The following ULBP2 variants were observed in gnomAD, a reference collection of about 807,000 sequenced individuals.
ULBP2 encodes the protein UL16 binding protein 2.
ULBP2 carries 21 observed loss-of-function variants against 23.6 expected under a neutral mutation model. The ratio of observed to expected loss-of-function variants is 0.89; its 90% CI spans 0.63 to 1.28. The LOEUF is 1.28. ULBP2 is among the 50% of genes most tolerant of loss of function. The pLI is 0.00. For synonymous variants in ULBP2, 82 were observed against 112.8 expected (o/e 0.73, Z 1.73); for missense variants, 251 against 306.0 (o/e 0.82, Z 1.34).
Position 149,949,083 on chromosome 6 carries a change from A to C in ULBP2, c.*383A>C, listed in dbSNP as rs971934695. ...AAATGATATTGTCAGTAAAATAATC[A>C]CGTTAGACTTCAGACCTCTGGGGAT... On this transcript the variant is annotated 3_prime_UTR_variant, in exon 5 of 5. Coordinates refer to ENST00000367351, the MANE Select transcript of ULBP2 (RefSeq NM_025217.4). 2.8e-5 allele frequency: 5 copies of C among 176,482 alleles called. No individual in the cohort carries two copies. Among genetic ancestry groups the C allele is most frequent in the Admixed American group, 6.0e-5 (1 of 16,644 alleles). 10.9% of individuals were successfully genotyped at this position (176,482 alleles called of 1,614,324 possible). A position where few individuals can be genotyped will look rare whatever the true frequency, so the allele number is the denominator to read the frequency against.
rs184122457 is a variant in ULBP2, at chr6:149,946,655, T to C, written c.631+2T>C. On this transcript the variant is annotated splice_donor_variant, in intron 3 of 4. Coordinates refer to ENST00000367351, the MANE Select transcript of ULBP2 (RefSeq NM_025217.4). LOFTEE classifies it high-confidence loss of function. ...GCACCCTGGAGCCAAGTGCAGGAGG[T>C]AACAGGAGAAAAAGAAACGGGGATC... The C allele has an allele frequency of 2.2e-5, 36 of 1,612,546 alleles. No homozygotes were observed. In the East Asian group the frequency reaches 7.6e-4, roughly 34 times the overall value.
intron 3 of ULBP2, 98 bp downstream of exon 3, chr6:149,946,751 A>G (rs1778948797): frequency 2.6e-6 from 4 of 1,561,672 alleles, no homozygotes. Context: ...CCCAGTATAC[A>G]CATTCACGTT....
Position 149,942,131 on chromosome 6 carries a change from C to T in ULBP2, c.59C>T (p.Ser20Phe), listed in dbSNP as rs548525038. The T allele has an allele frequency of 4.3e-5, 69 of 1,611,042 alleles. No homozygotes were observed. The highest frequency in any genetic ancestry group is 1.2e-4 in the African/African-American group (9 of 75,012). Residue 20 changes from serine (S) to phenylalanine (F), a missense_variant, in exon 1 of 5, where the codon TCC becomes TTC. By Grantham distance (155) the Ser-to-Phe change is radical. This residue lies in a region of ULBP2 where 248 missense variants were observed against 258.9 expected (regional missense o/e 0.96). Coordinates refer to ENST00000367351, the MANE Select transcript of ULBP2 (RefSeq NM_025217.4). ...TGCCTCCCGCTTCTGCTCCTGCTGT[C>T]CGGCTGGTCCCGGGCTGGGCGAGCC... ...LLCLPLLLLL[S>F]GWSRAGRADP...
At chr6:149,945,229 C>T in intron 1 of ULBP2, 80 bp from the exon 2 acceptor site, 4 of 1,522,474 alleles carry the variant, frequency 2.6e-6, no homozygotes, top group Non-Finnish European at 3.6e-6. Flanking sequence ...CAGAGGCATC[C>T]TCTTATTGAC....
Position 149,948,113 on chromosome 6 carries a change from C to T in ULBP2, c.*23-610C>T, listed in dbSNP as rs115265940. Among the ~76,000 whole-genome samples the T allele has an allele frequency of 4.0e-3, 609 of 152,308 alleles. 3 individuals are homozygous for T. The highest frequency in any genetic ancestry group is 0.014 in the African/African-American group (585 of 41,566). Reference sequence around the variant, plus strand: ...TCTGGGCCCTGAGGCAGCTCCCCTGCCATCATCCTCCTGCACACCCCAGAT... The same window carrying T: ...TCTGGGCCCTGAGGCAGCTCCCCTGTCATCATCCTCCTGCACACCCCAGAT... On this transcript the variant is annotated intron_variant, in intron 4 of 4. Coordinates refer to ENST00000367351, the MANE Select transcript of ULBP2 (RefSeq NM_025217.4).
chr6:149,948,870 C>T lies in ULBP2; in HGVS notation c.*170C>T, dbSNP rs1312603517. On this transcript the variant is annotated 3_prime_UTR_variant, in exon 5 of 5. Transcript: ENST00000367351. ...CATGGACCCAATAGCTCATTCACTG[C>T]CTTGATTCCTTTTGCCAACAATTTT... is the stretch of plus-strand genomic sequence containing the variant. The T allele has an allele frequency of 2.5e-6, 1 of 403,076 alleles. No homozygotes were observed. The highest frequency in any genetic ancestry group is 5.0e-6 in the Non-Finnish European group (1 of 199,668). 25.0% of individuals were successfully genotyped at this position (403,076 alleles called of 1,614,324 possible). A position where few individuals can be genotyped will look rare whatever the true frequency, so the allele number is the denominator to read the frequency against.
rs150368147 is a variant in ULBP2 at position 149,943,552 on chromosome 6, G to T, written c.85+1395G>T. Among the ~76,000 whole-genome samples the T allele has an allele frequency of 4.0e-3, 606 of 152,268 alleles. 3 individuals are homozygous for T. The highest frequency in any genetic ancestry group is 0.014 in the African/African-American group (583 of 41,524). Reference sequence around the variant, plus strand: ...GGCCCTGCTCCTGCCCATCCCAGAAGAACCACCTGCGTCTTCTCACTGCTG... The same window carrying T: ...GGCCCTGCTCCTGCCCATCCCAGAATAACCACCTGCGTCTTCTCACTGCTG... On this transcript the variant is annotated intron_variant, in intron 1 of 4. Transcript: ENST00000367351.
intron 2 of ULBP2, among the ~76,000 whole-genome samples, chr6:149,945,916 G>A (rs1778931621): frequency 6.8e-6 from 1 of 146,524 alleles, no homozygotes; most frequent in African/African-American, 2.6e-5. Flanking sequence ...ACTCCAGCCT[G>A]GGCAACAGAG....
chr6:149,943,638 C>T (rs1778896603), intron 1 of ULBP2, among the ~76,000 whole-genome samples: 1 of 152,290 alleles, frequency 6.6e-6, no homozygotes, highest in South Asian at 2.1e-4. Context: ...AGCTCTGAGG[C>T]CTTCAGCAAT....
chr6:149,942,268 C>T (rs1427517673), intron 1 of ULBP2, 111 bp downstream of exon 1: 1 of 1,159,608 alleles, frequency 8.6e-7, no homozygotes, highest in African/African-American at 1.6e-5. Context: ...GAGATCTCCC[C>T]TAACTGCGCC....
In ULBP2 at chr6:149,947,691, A is replaced by G. The variant is rs372864370; in HGVS notation, c.*22+240A>G. ...TCCAGAGGGAAAGGGAGGGGCCCATACCAAGGCTCAGGGTCTGTTGAGCTT... is the reference window on the plus strand; with the variant it reads ...TCCAGAGGGAAAGGGAGGGGCCCATGCCAAGGCTCAGGGTCTGTTGAGCTT... On this transcript the variant is annotated intron_variant, in intron 4 of 4. Transcript: ENST00000367351. 9.2e-5 allele frequency among the ~76,000 whole-genome samples: 14 copies of G among 152,198 alleles called. No homozygotes were observed. In the East Asian group the frequency reaches 1.4e-3, roughly 15 times the overall value.
chr6:149,944,776 G>A (rs1236758339), intron 1 of ULBP2, among the ~76,000 whole-genome samples: 1 of 138,706 alleles, frequency 7.2e-6, no homozygotes, highest in Admixed American at 7.2e-5. Flanking sequence ...CAAGGTTTCA[G>A]GAAGGCCTCC....
intron 4 of ULBP2, 107 bp from the exon 5 acceptor site, chr6:149,948,616 C>T: frequency 4.4e-6 from 2 of 454,120 alleles, no homozygotes; most frequent in South Asian, 3.1e-5. Context: ...AAAATAGGTC[C>T]CTTAGTGCAG....
intron 1 of ULBP2, among the ~76,000 whole-genome samples, chr6:149,943,929 A>G (rs893531717): frequency 1.2e-4 from 18 of 151,966 alleles, no homozygotes; most frequent in African/African-American, 2.2e-4. Flanking sequence ...CTCATCATGC[A>G]TGGATTGTCT....
Position 149,948,891 on chromosome 6 carries a change from A to G in ULBP2, c.*191A>G, listed in dbSNP as rs529627121. 32 of 385,670 alleles carry G rather than the reference A, an allele frequency of 8.3e-5. No homozygotes were observed. Among genetic ancestry groups the G allele is most frequent in the African/African-American group, 6.1e-4 (29 of 47,704 alleles). 23.9% of individuals were successfully genotyped at this position (385,670 alleles called of 1,614,324 possible). ...ACTGCCTTGATTCCTTTTGCCAACA[A>G]TTTTACCAGCAGTTATACCTAACAT... On this transcript the variant is annotated 3_prime_UTR_variant, in exon 5 of 5. Coordinates refer to ENST00000367351, the MANE Select transcript of ULBP2 (RefSeq NM_025217.4).
At chr6:149,942,260 G>C in intron 1 of ULBP2, 103 bp downstream of exon 1, 3 of 1,266,728 alleles carry the variant, frequency 2.4e-6, no homozygotes, top group Non-Finnish European at 1.1e-6. Context: ...GGACGGGGGA[G>C]ATCTCCCCTA....
rs189790168 is a variant in ULBP2, at chr6:149,948,613, G to A, written c.*23-110G>A. On this transcript the variant is annotated intron_variant, in intron 4 of 4. Transcript: ENST00000367351. Reference sequence around the variant, plus strand: ...GGGTTGAGGCTCAAGGGAAAAATAGGTCCCTTAGTGCAGGGGGCTCTGAGA... The same window carrying A: ...GGGTTGAGGCTCAAGGGAAAAATAGATCCCTTAGTGCAGGGGGCTCTGAGA... The A allele has an allele frequency of 2.6e-3, 1,194 of 452,476 alleles. 10 individuals are homozygous for A. The highest frequency in any genetic ancestry group is 0.02 in the African/African-American group (1,017 of 49,904). The allele number at this position is 452,476 out of a possible 1,614,324, so 28.0% of individuals were successfully genotyped here. A position where few individuals can be genotyped will look rare whatever the true frequency, so the allele number is the denominator to read the frequency against.
chr6:149,946,725 G>A (rs544521849), intron 3 of ULBP2, 72 bp downstream of exon 3: 1 of 1,592,820 alleles, frequency 6.3e-7, no homozygotes, highest in Admixed American at 1.7e-5. Context: ...TAGTTCTTGA[G>A]TTCAGCTTCA....
Position 149,946,366 on chromosome 6 carries a change from G to C in ULBP2, c.350-6G>C, listed in dbSNP as rs1293354468. ...ATCAGAGCTGATCTCTCTCTGATGGGGGCAGAACCCCTCACCCTGCAGGCA... is the reference window on the plus strand; with the variant it reads ...ATCAGAGCTGATCTCTCTCTGATGGCGGCAGAACCCCTCACCCTGCAGGCA... On this transcript the variant is annotated splice_region_variant and splice_polypyrimidine_tract_variant and intron_variant, in intron 2 of 4. Coordinates refer to ENST00000367351, the MANE Select transcript of ULBP2 (RefSeq NM_025217.4). 6.2e-7 allele frequency: 1 copy of C among 1,611,472 alleles called. No individual in the cohort carries two copies. Among genetic ancestry groups the C allele is most frequent in the Admixed American group, 1.7e-5 (1 of 59,916 alleles).
Sources: allele counts gnomAD v4.1 joint callset (sites outside exome capture counted in the v4.1 genomes callset), GRCh38; gene constraint gnomAD v4.1.1; regional missense constraint gnomAD v4.1.1; transcripts MANE v1.5; gene names NCBI Gene and HGNC (gene_info 2026-07-23, HGNC 2026-07-21).